MSI2: variants seen among roughly 807,000 people sequenced by gnomAD.
MSI2 encodes the protein musashi RNA binding protein 2, also known as RNA-binding protein Musashi homolog 2.
Under a neutral mutation model 45.6 loss-of-function variants are expected in MSI2, and 17 were observed. That is an observed-to-expected ratio of 0.37 (90% CI 0.26 to 0.56). The LOEUF (loss-of-function observed/expected upper bound fraction) is 0.56. Ranked by LOEUF, MSI2 falls within the 20% of genes least tolerant of loss-of-function variation. MSI2 has a pLI of 0.77. For synonymous variants in MSI2, 156 were observed against 158.2 expected (o/e 0.99, Z 0.11); for missense variants, 293 against 444.2 (o/e 0.66, Z 3.06).
chr17:57,470,565 A>G (rs1270091771), intron 6 of MSI2, among the ~76,000 whole-genome samples: 6 of 152,242 alleles, frequency 3.9e-5, no homozygotes, highest in Non-Finnish European at 7.3e-5. Flanking sequence ...GGCATAAGCC[A>G]CCTTGCCTGG....
At chr17:57,262,377 G>A in intron 5 of MSI2, 185 bp downstream of exon 5, 1 of 536,776 alleles carries the variant, frequency 1.9e-6, no homozygotes, top group South Asian at 3.6e-5. Context: ...CCATCCCAAG[G>A]TGGCTTCTGA....
chr17:57,541,970 G>A (rs1350951423), intron 7 of MSI2, among the ~76,000 whole-genome samples: 1 of 152,088 alleles, frequency 6.6e-6, no homozygotes, highest in Non-Finnish European at 1.5e-5. Context: ...TGCAATGTGC[G>A]TACGCAATGC....
chr17:57,457,111 T>C (rs1877650283), intron 6 of MSI2, among the ~76,000 whole-genome samples: 1 of 152,200 alleles, frequency 6.6e-6, no homozygotes, highest in Admixed American at 6.5e-5. Flanking sequence ...ATAGGGTCTC[T>C]AGGACAAAAA....
intron 7 of MSI2, among the ~76,000 whole-genome samples, chr17:57,568,013 G>C (rs1419378984): frequency 6.6e-6 from 1 of 152,154 alleles, no homozygotes; most frequent in South Asian, 2.1e-4. Flanking sequence ...TCCCATAAGT[G>C]GTGGCTCTGA....
At chr17:57,554,241 G>A (rs185089137) in intron 7 of MSI2, among the ~76,000 whole-genome samples, 4 of 152,058 alleles carry the variant, frequency 2.6e-5, no homozygotes, top group East Asian at 1.9e-4. Context: ...GCGGGGGAGG[G>A]GGGGGATGGT....
intron 7 of MSI2, among the ~76,000 whole-genome samples, chr17:57,557,294 T>A (rs1283134961): frequency 6.6e-6 from 1 of 152,186 alleles, no homozygotes; most frequent in Non-Finnish European, 1.5e-5. Flanking sequence ...TTGCTACCTC[T>A]TTTTACGCAA....
chr17:57,426,609 T>C (rs1421096310), intron 6 of MSI2, among the ~76,000 whole-genome samples: 1 of 152,216 alleles, frequency 6.6e-6, no homozygotes, highest in Non-Finnish European at 1.5e-5. Context: ...CAGTAGTAAA[T>C]GGTTGTTGAG....
chr17:57,357,080 C>G (rs957382757), intron 5 of MSI2, among the ~76,000 whole-genome samples: 1 of 152,092 alleles, frequency 6.6e-6, no homozygotes, highest in Non-Finnish European at 1.5e-5. Flanking sequence ...CTTGTGTGCT[C>G]GAGAGCTTGC....
chr17:57,562,779 C>T (rs762278700), intron 7 of MSI2, among the ~76,000 whole-genome samples: 52 of 151,852 alleles, frequency 3.4e-4, no homozygotes, highest in Admixed American at 2.3e-3. Context: ...GAATTGCACA[C>T]GGACTATTTT....
chr17:57,506,097 G>A (rs536655006), intron 6 of MSI2, among the ~76,000 whole-genome samples: 7 of 152,264 alleles, frequency 4.6e-5, no homozygotes, highest in Admixed American at 4.6e-4. Flanking sequence ...AAGGACAGTG[G>A]GCAAACCTTA....
chr17:57,490,231 C>T (rs1300514833), intron 6 of MSI2, among the ~76,000 whole-genome samples: 3 of 152,194 alleles, frequency 2.0e-5, no homozygotes, highest in Non-Finnish European at 1.5e-5. Context: ...GCTAGTTCTT[C>T]TTTCTCTTGC....
intron 7 of MSI2, among the ~76,000 whole-genome samples, chr17:57,571,717 A>C (rs986335742): frequency 6.6e-6 from 1 of 152,216 alleles, no homozygotes; most frequent in Non-Finnish European, 1.5e-5. Context: ...GACAGTGGGA[A>C]AGTAATAGTA....
intron 10 of MSI2, chr17:57,630,445 C>T (rs1002574072): frequency 6.6e-6 from 1 of 152,248 alleles, no homozygotes; most frequent in African/African-American, 2.4e-5. Context: ...TCTTGATTCT[C>T]TTAACTAATG....
chr17:57,562,301 T>TAG (rs148274530), intron 7 of MSI2, among the ~76,000 whole-genome samples: 538 of 152,338 alleles, frequency 3.5e-3, no homozygotes, highest in African/African-American at 0.011. Flanking sequence ...CTTATGTGTC[T>TAG]AGAGACATTT....
intron 6 of MSI2, among the ~76,000 whole-genome samples, chr17:57,424,525 A>C (rs1209659627): frequency 6.6e-6 from 1 of 152,134 alleles, no homozygotes; most frequent in Non-Finnish European, 1.5e-5. Flanking sequence ...AAGTTTTCTC[A>C]TAGCTCCAGA....
At chr17:57,564,739 T>C (rs1257364857) in intron 7 of MSI2, among the ~76,000 whole-genome samples, 2 of 152,224 alleles carry the variant, frequency 1.3e-5, no homozygotes, top group Non-Finnish European at 2.9e-5. Flanking sequence ...TAATGCTAAA[T>C]TGTATGGTAT....
intron 5 of MSI2, among the ~76,000 whole-genome samples, chr17:57,335,392 C>T (rs1447866593): frequency 6.6e-6 from 1 of 152,214 alleles, no homozygotes; most frequent in African/African-American, 2.4e-5. Flanking sequence ...ATCTGGCCCA[C>T]CACCCATTTT....
At chr17:57,286,851 G>C (rs1403390594) in intron 5 of MSI2, among the ~76,000 whole-genome samples, 2 of 152,136 alleles carry the variant, frequency 1.3e-5, no homozygotes, top group African/African-American at 4.8e-5. Flanking sequence ...TTCCAGGAGA[G>C]AGCGGGCAGT....
intron 7 of MSI2, among the ~76,000 whole-genome samples, chr17:57,545,245 C>T (rs1460331953): frequency 6.6e-6 from 1 of 151,980 alleles, no homozygotes; most frequent in Non-Finnish European, 1.5e-5. Context: ...GTGGGGTGGG[C>T]GGTGAGTGAA....
Sources: gnomAD v4.1 joint callset for allele counts (sites outside exome capture counted in the v4.1 genomes callset) on GRCh38, gnomAD v4.1.1 for gene constraint, MANE v1.5 for transcripts, NCBI Gene and HGNC (gene_info 2026-07-23, HGNC 2026-07-21) for gene names.